Variants in TAF1B observed in about 807,000 individuals in gnomAD.
The protein encoded by TAF1B is TATA box-binding protein-associated factor RNA polymerase I subunit B.
A neutral mutation model predicts 83.9 loss-of-function variants in TAF1B; 61 were observed. The observed-to-expected ratio is 0.73, with a 90% CI of 0.59 to 0.90. TAF1B has a LOEUF of 0.90. Ranked by LOEUF, TAF1B falls within the 40% of genes least tolerant of loss-of-function variation. The pLI, the probability that TAF1B is intolerant of heterozygous loss-of-function variation, is 0.00. For missense variants in TAF1B, 625 were observed against 677.0 expected (o/e 0.92, Z 0.85); for synonymous variants, 221 against 224.6 (o/e 0.98, Z 0.14).
chr2:9,853,629 G>A lies in TAF1B; in HGVS notation c.304-697G>A, dbSNP rs571822725. 2.3e-4 allele frequency among the ~76,000 whole-genome samples: 35 copies of A among 152,014 alleles called. 1 individual carries two copies. The highest frequency in any genetic ancestry group is 8.0e-4 in the African/African-American group (33 of 41,452). On this transcript the variant is annotated intron_variant, in intron 4 of 14. Coordinates refer to ENST00000263663, the MANE Select transcript of TAF1B (RefSeq NM_005680.3). The stretch of plus-strand genomic sequence containing the variant: ...ACTACAGGCATGTGCCACCATACCT[G>A]GCTAACTTTTTGATTTTTTGTAGAG...
At chr2:9,848,666 CA>C (rs3032346) in intron 2 of TAF1B, among the ~76,000 whole-genome samples, 25 of 140,134 alleles carry the variant, frequency 1.8e-4, no homozygotes, top group Admixed American at 2.9e-4. Flanking sequence ...AACTCCCTCT[CA>C]AAAAAAAAAA....
chr2:9,919,236 T>G, intron 13 of TAF1B, 125 bp downstream of exon 13: 1 of 744,808 alleles, frequency 1.3e-6, no homozygotes, highest in East Asian at 2.7e-5. Context: ...CCAGGGCACA[T>G]GTACATCCAA....
Position 9,914,493 on chromosome 2 carries a change from G to A in TAF1B, c.1271+1244G>A, listed in dbSNP as rs1164434057. On this transcript the variant is annotated intron_variant, in intron 12 of 14. Transcript: ENST00000263663. The surrounding 1 kb of genome is among the most constrained non-coding windows in gnomAD (Gnocchi z 4.3). ...AGTCCTGACGGATCCTAAGGACTGG[G>A]TGCCTAGGGGCCATTCCTCCCTGGG... Among the ~76,000 whole-genome samples, 1 of 152,082 alleles carries A rather than the reference G, an allele frequency of 6.6e-6. No individual in the cohort carries two copies. The highest frequency in any genetic ancestry group is 1.5e-5 in the Non-Finnish European group (1 of 68,004).
At chr2:9,903,831 C>T (rs189271603) in intron 8 of TAF1B, among the ~76,000 whole-genome samples, 3 of 152,284 alleles carry the variant, frequency 2.0e-5, no homozygotes, top group Non-Finnish European at 4.4e-5. Context: ...TCTCCAGATT[C>T]TTCTAAGGCA....
At chr2:9,878,377 C>T (rs1664388756) in intron 7 of TAF1B, among the ~76,000 whole-genome samples, 1 of 152,128 alleles carries the variant, frequency 6.6e-6, no homozygotes, top group Non-Finnish European at 1.5e-5. Context: ...CATGAGCCAC[C>T]ATGCCTGGCC....
chr2:9,910,655 G>C (rs1362396118), intron 9 of TAF1B, 81 bp from the exon 10 acceptor site: 2 of 1,284,390 alleles, frequency 1.6e-6, no homozygotes, highest in Non-Finnish European at 2.1e-6. Flanking sequence ...CGTGTTTTAA[G>C]ATAAAGGTTA....
intron 8 of TAF1B, among the ~76,000 whole-genome samples, chr2:9,883,157 C>G (rs1199495748): frequency 2.0e-5 from 3 of 152,020 alleles, no homozygotes; most frequent in Non-Finnish European, 4.4e-5. Flanking sequence ...CACTATATTG[C>G]TATGGAAGAA....
chr2:9,881,889 T>C (rs1406678593), intron 7 of TAF1B, among the ~76,000 whole-genome samples: 2 of 152,156 alleles, frequency 1.3e-5, no homozygotes, highest in East Asian at 1.9e-4. Context: ...TAATGGTTCT[T>C]TCAGCAACAA....
At position 9,934,029 on chromosome 2, in the gene TAF1B, A is replaced by G; in HGVS notation, c.*45A>G. The G allele has an allele frequency of 2.1e-6, 3 of 1,413,514 alleles. No homozygotes were observed. The highest frequency in any genetic ancestry group is 2.9e-6 in the Non-Finnish European group (3 of 1,037,198). The allele number at this position is 1,413,514 out of a possible 1,614,324, so 87.6% of individuals were successfully genotyped here. On this transcript the variant is annotated 3_prime_UTR_variant, in exon 15 of 15. Transcript: ENST00000263663. ...TCTGGAAAAATATTTTAATAGTGAT[A>G]ATAACATCAGATTTTAATATAACAT...
intron 8 of TAF1B, among the ~76,000 whole-genome samples, chr2:9,899,573 C>T (rs969817598): frequency 2.0e-5 from 3 of 152,088 alleles, no homozygotes; most frequent in Non-Finnish European, 2.9e-5. Flanking sequence ...AATATTTGTT[C>T]GCATCCCTGC....
intron 6 of TAF1B, among the ~76,000 whole-genome samples, chr2:9,873,587 T>C (rs147995057): frequency 3.3e-5 from 5 of 151,598 alleles, no homozygotes; most frequent in South Asian, 2.1e-4. Flanking sequence ...TTAACACACA[T>C]AATTCTAACA....
At chr2:9,853,566 C>T (rs988438628) in intron 4 of TAF1B, among the ~76,000 whole-genome samples, 12 of 151,930 alleles carry the variant, frequency 7.9e-5, no homozygotes, top group Admixed American at 2.6e-4. Flanking sequence ...CTCCTAGACT[C>T]GAGTAATCCT....
intron 8 of TAF1B, among the ~76,000 whole-genome samples, chr2:9,901,978 G>A (rs1665190166): frequency 6.6e-6 from 1 of 152,040 alleles, no homozygotes; most frequent in African/African-American, 2.4e-5. Flanking sequence ...ATCATATGTT[G>A]ATAATATAAC....
At position 9,845,275 on chromosome 2, in the gene TAF1B, A is replaced by T. The variant is rs1663168135; in HGVS notation, c.74A>T (p.Asp25Val). Residue 25 changes from aspartate to valine, a missense_variant, in exon 2 of 15, where the codon GAT becomes GTT. By Grantham distance (152) the Asp-to-Val change is radical. Coordinates refer to ENST00000263663, the MANE Select transcript of TAF1B (RefSeq NM_005680.3). ...QCAAVSWGLT[D>V]EGKYYCTSCH... ...GCTGCTGTCTCATGGGGTCTTACTGATGAAGGCAAATATTATTGCACTTCT... is the reference window on the plus strand; with the variant it reads ...GCTGCTGTCTCATGGGGTCTTACTGTTGAAGGCAAATATTATTGCACTTCT... 1.9e-6 allele frequency: 3 copies of T among 1,613,960 alleles called. No homozygotes were observed. Among genetic ancestry groups the T allele is most frequent in the Non-Finnish European group, 2.5e-6 (3 of 1,179,874 alleles).
chr2:9,924,388 G>A (rs2125182689), intron 14 of TAF1B, among the ~76,000 whole-genome samples: 1 of 152,310 alleles, frequency 6.6e-6, no homozygotes, highest in South Asian at 2.1e-4. Flanking sequence ...GAAGCACTCT[G>A]CTGATAGACA....
At chr2:9,871,767 C>G (rs944701248) in intron 6 of TAF1B, among the ~76,000 whole-genome samples, 4 of 152,030 alleles carry the variant, frequency 2.6e-5, no homozygotes, top group Admixed American at 6.6e-5. Flanking sequence ...TCAGAGAAAT[C>G]TCTTTGAGTC....
chr2:9,900,308 C>A (rs1480372678), intron 8 of TAF1B, among the ~76,000 whole-genome samples: 1 of 152,114 alleles, frequency 6.6e-6, no homozygotes, highest in African/African-American at 2.4e-5. Flanking sequence ...CCAAGGCAGG[C>A]AAATTGCATG....
At chr2:9,892,182 G>A (rs1400541345) in intron 8 of TAF1B, among the ~76,000 whole-genome samples, 1 of 152,072 alleles carries the variant, frequency 6.6e-6, no homozygotes, top group Non-Finnish European at 1.5e-5. Context: ...TTGTGTTACA[G>A]TTGCCTACAG....
chr2:9,858,616 C>A (rs1293828518), intron 5 of TAF1B, among the ~76,000 whole-genome samples: 2 of 152,244 alleles, frequency 1.3e-5, no homozygotes, highest in Admixed American at 6.5e-5. Context: ...GCCTGGACAT[C>A]CAGGCATTTC....
Sources: allele counts gnomAD v4.1 joint callset (sites outside exome capture counted in the v4.1 genomes callset), GRCh38; gene constraint gnomAD v4.1.1; non-coding constraint Gnocchi (gnomAD v3.1); transcripts MANE v1.5; gene names NCBI Gene and HGNC (gene_info 2026-07-23, HGNC 2026-07-21).